Variants in HNRNPH2 observed in about 807,000 individuals in gnomAD.
The protein encoded by HNRNPH2 is heterogeneous nuclear ribonucleoprotein H2, also known as FTP-3.
For missense variants in HNRNPH2, 115 were observed against 352.9 expected, an observed-to-expected ratio of 0.33 and a Z score of 5.40; for synonymous variants, 128 against 128.2, an observed-to-expected ratio of 1.00 and a Z score of 0.01.
At chrX:101,410,675 C>T (rs184179560) in intron 1 of HNRNPH2, among the ~76,000 whole-genome samples, 1 of 111,516 alleles carries the variant, frequency 9.0e-6, no homozygotes, top group African/African-American at 3.3e-5. Flanking sequence ...CTCCCTAGTT[C>T]CACGTCGACC....
In HNRNPH2 at chrX:101,413,413, G is replaced by T; in HGVS notation, c.*75G>T. 1.2e-6 allele frequency: 1 copy of T among 838,904 alleles called. No individual in the cohort carries two copies. The highest frequency in any genetic ancestry group is 2.5e-5 in the South Asian group (1 of 39,482). The allele number at this position is 838,904 out of a possible 1,213,427, so 69.1% of individuals were successfully genotyped here. A position where few individuals can be genotyped will look rare whatever the true frequency, so the allele number is the denominator to read the frequency against. Reference sequence around the variant, plus strand: ...TGTGGGAGTTGAATAGAATGGGAGGGATGTTTAGTATATCCAGTATGATTG... The same window carrying T: ...TGTGGGAGTTGAATAGAATGGGAGGTATGTTTAGTATATCCAGTATGATTG... On this transcript the variant is annotated 3_prime_UTR_variant, in exon 2 of 2. Coordinates refer to ENST00000316594, the MANE Select transcript of HNRNPH2 (RefSeq NM_019597.5).
In HNRNPH2 at chrX:101,412,657, C is replaced by T. The variant is rs1928844320; in HGVS notation, c.669C>T (p.Gly223=). 1.7e-6 allele frequency: 2 copies of T among 1,208,931 alleles called. No individual in the cohort carries two copies. The highest frequency in any genetic ancestry group is 2.2e-6 in the Non-Finnish European group (2 of 894,129). The part of the protein sequence containing the change: ...PGAGRGYNSI[G]RGAGFERMRR... Reference sequence around the variant, plus strand: ...CTGGCAGAGGGTATAATAGCATTGGCAGAGGAGCTGGGTTTGAAAGGATGA... The same window carrying T: ...CTGGCAGAGGGTATAATAGCATTGGTAGAGGAGCTGGGTTTGAAAGGATGA... Residue 223 remains glycine, a synonymous_variant, in exon 2 of 2, where the codon GGC becomes GGT. Transcript: ENST00000316594.
In HNRNPH2 at chrX:101,412,436, C is replaced by A. The variant is rs782263459; in HGVS notation, c.448C>A (p.Arg150=). 3.3e-6 allele frequency: 4 copies of A among 1,209,997 alleles called. No homozygotes were observed. The African/African-American group carries it at 7.0e-5, about 21-fold the overall frequency. ...GMTLPVDFQG[R]STGEAFVQFA... ...GACACTGCCAGTGGACTTTCAGGGG[C>A]GAAGCACAGGGGAAGCCTTTGTGCA... The change falls in exon 2 of 2, where the codon CGA becomes AGA. Residue 150 remains arginine, a synonymous_variant. Coordinates refer to ENST00000316594, the MANE Select transcript of HNRNPH2 (RefSeq NM_019597.5).
intron 1 of HNRNPH2, among the ~76,000 whole-genome samples, chrX:101,409,615 C>T (rs1350257144): frequency 9.0e-6 from 1 of 111,579 alleles, no homozygotes; most frequent in Non-Finnish European, 1.9e-5. Flanking sequence ...GAAAAAATCC[C>T]AGTACAGCAA....
At chrX:101,411,789 TA>T in intron 1 of HNRNPH2, 146 bp from the exon 2 acceptor site, 3 of 563,935 alleles carry the variant, frequency 5.3e-6, no homozygotes, top group Non-Finnish European at 8.1e-6. Flanking sequence ...ATGAATGAGT[TA>T]AAAATTTGGT....
At chrX:101,408,648 T>G (rs1409117823) in intron 1 of HNRNPH2, among the ~76,000 whole-genome samples, 3 of 111,148 alleles carry the variant, frequency 2.7e-5, no homozygotes, top group African/African-American at 9.9e-5. Flanking sequence ...GTGGTCTGAG[T>G]GCTGGTCTAT....
At chrX:101,411,634 C>T (rs952803767) in intron 1 of HNRNPH2, among the ~76,000 whole-genome samples, 23 of 109,397 alleles carry the variant, frequency 2.1e-4, no homozygotes, top group African/African-American at 6.7e-4. Flanking sequence ...AGGCTGGTCT[C>T]GAACTGCTGA....
chrX:101,411,820 A>G, intron 1 of HNRNPH2, 116 bp from the exon 2 acceptor site: 1 of 795,419 alleles, frequency 1.3e-6, no homozygotes, highest in Non-Finnish European at 1.8e-6. Context: ...GTTTATACAG[A>G]CGTCTTACAG....
chrX:101,411,844 A>T, intron 1 of HNRNPH2, 92 bp from the exon 2 acceptor site: 1 of 948,151 alleles, frequency 1.1e-6, no homozygotes, highest in Non-Finnish European at 1.4e-6. Context: ...AGCTGTCAGC[A>T]TAATTGAATT....
rs782325961 is a variant in HNRNPH2 at position 101,413,104 on chromosome X, C to T, written c.1116C>T (p.Tyr372=). ...CTGCAGGAACAAGTGGGGGTGCTTACGATCACAGCTATGTAGAACTTTTTT... is the reference window on the plus strand; with the variant it reads ...CTGCAGGAACAAGTGGGGGTGCTTATGATCACAGCTATGTAGAACTTTTTT... The part of the protein sequence containing the change: ...NSTAGTSGGA[Y]DHSYVELFLN... Residue 372 remains tyrosine (Y), a synonymous_variant, in exon 2 of 2, where the codon TAC becomes TAT. Coordinates refer to ENST00000316594, the MANE Select transcript of HNRNPH2 (RefSeq NM_019597.5). The T allele has an allele frequency of 1.1e-5, 13 of 1,209,970 alleles. No homozygotes were observed. The East Asian group carries it at 2.4e-4, about 22-fold the overall frequency.
In HNRNPH2 at chrX:101,411,919, C is replaced by CTT. The variant is rs372055912; in HGVS notation, c.-53-5_-53-4dup. On this transcript the variant is annotated splice_polypyrimidine_tract_variant and intron_variant, in intron 1 of 1. Coordinates refer to ENST00000316594, the MANE Select transcript of HNRNPH2 (RefSeq NM_019597.5). ...AGCATTTTTCCATGACAGTAGTCTT[C>CTT]TTTTTTTTTTTTTCAGCTACACCAA... 284 of 923,534 alleles carry CTT rather than the reference C, an allele frequency of 3.1e-4. No homozygotes were observed. Among genetic ancestry groups the CTT allele is most frequent in the South Asian group, 9.2e-4 (34 of 36,968 alleles). The allele number at this position is 923,534 out of a possible 1,213,427, so 76.1% of individuals were successfully genotyped here. A position where few individuals can be genotyped will look rare whatever the true frequency, so the allele number is the denominator to read the frequency against.
chrX:101,408,892 A>G (rs950025187), intron 1 of HNRNPH2, among the ~76,000 whole-genome samples: 1 of 112,504 alleles, frequency 8.9e-6, no homozygotes, highest in East Asian at 2.7e-4. Context: ...AAAAATACAC[A>G]TAATTCACCA....
At chrX:101,411,515 G>A (rs947175267) in intron 1 of HNRNPH2, among the ~76,000 whole-genome samples, 9 of 98,792 alleles carry the variant, frequency 9.1e-5, no homozygotes, top group African/African-American at 3.4e-4. Flanking sequence ...GTACATAAAA[G>A]CGATTTTCCT....
chrX:101,409,905 C>CA (rs1157362758), intron 1 of HNRNPH2, among the ~76,000 whole-genome samples: 9 of 111,567 alleles, frequency 8.1e-5, no homozygotes, highest in African/African-American at 2.9e-4. Flanking sequence ...ATAATTCATT[C>CA]AGCCATTCCT....
In HNRNPH2 at chrX:101,413,429, A is replaced by T. The variant is rs1569308330; in HGVS notation, c.*91A>T. 1 of 700,595 alleles carries T rather than the reference A, an allele frequency of 1.4e-6. No individual in the cohort carries two copies. Among genetic ancestry groups the T allele is most frequent in the East Asian group, 3.3e-5 (1 of 30,522 alleles). The allele number at this position is 700,595 out of a possible 1,213,427, so 57.7% of individuals were successfully genotyped here. A position where few individuals can be genotyped will look rare whatever the true frequency, so the allele number is the denominator to read the frequency against. ...AATGGGAGGGATGTTTAGTATATCC[A>T]GTATGATTGGTAAATGGGAAATATA... On this transcript the variant is annotated 3_prime_UTR_variant, in exon 2 of 2. Transcript: ENST00000316594.
At position 101,412,003 on chromosome X, in the gene HNRNPH2, G is replaced by T; in HGVS notation, c.15G>T (p.Thr5=). 8.3e-7 allele frequency: 1 copy of T among 1,207,853 alleles called. No homozygotes were observed. Among genetic ancestry groups the T allele is most frequent in the Non-Finnish European group, 1.1e-6 (1 of 894,335 alleles). ...CAACAATCACCATGATGCTGAGCAC[G>T]GAAGGCAGGGAGGGGTTCGTGGTGA... The part of the protein sequence containing the change: MMLS[T]EGREGFVVKV... The change falls in exon 2 of 2, where the codon ACG becomes ACT. Residue 5 remains threonine (T), a synonymous_variant. Coordinates refer to ENST00000316594, the MANE Select transcript of HNRNPH2 (RefSeq NM_019597.5).
At chrX:101,408,908 A>G (rs903227390) in intron 1 of HNRNPH2, among the ~76,000 whole-genome samples, 8 of 112,385 alleles carry the variant, frequency 7.1e-5, no homozygotes, top group Non-Finnish European at 1.5e-4. Context: ...CACCACCCGG[A>G]GACGACTGCT....
Position 101,412,561 on chromosome X carries a change from T to C in HNRNPH2, c.573T>C (p.Val191=). 1 of 1,211,513 alleles carries C rather than the reference T, an allele frequency of 8.3e-7. No homozygotes were observed. The highest frequency in any genetic ancestry group is 3.0e-5 in the East Asian group (1 of 33,824). Residue 191 remains valine, a synonymous_variant, in exon 2 of 2, where the codon GTT becomes GTC. Coordinates refer to ENST00000316594, the MANE Select transcript of HNRNPH2 (RefSeq NM_019597.5). ...TCTTCAAGAGTAGCCGAGCTGAAGT[T>C]CGAACCCACTATGATCCCCCTCGAA... ...IEIFKSSRAE[V]RTHYDPPRKL...
At chrX:101,411,779 A>G (rs1287816928) in intron 1 of HNRNPH2, among the ~76,000 whole-genome samples, 157 bp from the exon 2 acceptor site, 1 of 112,152 alleles carries the variant, frequency 8.9e-6, no homozygotes, top group East Asian at 2.8e-4. Flanking sequence ...CTGCTAAAAA[A>G]TGAATGAGTT....
Sources: gnomAD v4.1 joint callset for allele counts (sites outside exome capture counted in the v4.1 genomes callset) on GRCh38, gnomAD v4.1.1 for gene constraint, MANE v1.5 for transcripts, NCBI Gene and HGNC (gene_info 2026-07-23, HGNC 2026-07-21) for gene names.